The following GRM8 variants were observed in gnomAD, a reference collection of about 807,000 sequenced individuals.
The protein encoded by GRM8 is metabotropic glutamate receptor 8.
Under a neutral mutation model 87.2 loss-of-function variants are expected in GRM8, and 47 were observed. That is an observed-to-expected ratio of 0.54 (90% CI 0.43 to 0.69). The LOEUF is 0.69. Among genes scored for constraint, GRM8 ranks in the 30% least tolerant of loss-of-function variants. GRM8 has a pLI of 0.00. For missense variants in GRM8, 1,019 were observed against 1,139.2 expected, an observed-to-expected ratio of 0.89 and a Z score of 1.52; for synonymous variants, 396 against 404.5, an observed-to-expected ratio of 0.98 and a Z score of 0.25.
chr7:126,496,358 C>A (rs2150669087), intron 9 of GRM8, among the ~76,000 whole-genome samples: 1 of 152,034 alleles, frequency 6.6e-6, no homozygotes, highest in Non-Finnish European at 1.5e-5. Context: ...GGTCTACATA[C>A]CTTAAGTGAC....
intron 2 of GRM8, among the ~76,000 whole-genome samples, chr7:127,167,678 T>C (rs1358700988): frequency 6.6e-6 from 1 of 152,158 alleles, no homozygotes. Context: ...CCATATAAAA[T>C]GGCAAATTTA....
In GRM8 at chr7:127,057,978, C is replaced by A. The variant is rs150977602; in HGVS notation, c.727+48518G>T. ...ATTCATGCAAAGAAACATTTTCTAA[C>A]CTGTAATTTATAGTTCAGCTGCCTT... On this transcript the variant is annotated intron_variant, in intron 3 of 10. Transcript: ENST00000339582. 3.7e-4 allele frequency: 94 copies of A among 254,574 alleles called. 1 individual carries two copies. The East Asian group carries it at 0.012, about 32-fold the overall frequency. The allele number at this position is 254,574 out of a possible 1,614,324, so 15.8% of individuals were successfully genotyped here.
At chr7:126,924,017 C>T (rs1402478720) in intron 3 of GRM8, among the ~76,000 whole-genome samples, 1 of 152,128 alleles carries the variant, frequency 6.6e-6, no homozygotes, top group Non-Finnish European at 1.5e-5. Context: ...AATTAATTAC[C>T]TCACAGTTCT....
intron 3 of GRM8, among the ~76,000 whole-genome samples, chr7:127,028,566 G>A (rs1205997864): frequency 2.0e-5 from 3 of 152,152 alleles, no homozygotes; most frequent in African/African-American, 7.2e-5. Context: ...TCTTGGGAAG[G>A]TATATGTGTC....
At chr7:127,005,847 T>G (rs528340209) in intron 3 of GRM8, among the ~76,000 whole-genome samples, 1 of 151,920 alleles carries the variant, frequency 6.6e-6, no homozygotes, top group African/African-American at 2.4e-5. Flanking sequence ...ACTGATTTTA[T>G]GTAAACTTTT....
intron 2 of GRM8, among the ~76,000 whole-genome samples, chr7:127,161,819 C>T (rs1164152630): frequency 6.6e-6 from 1 of 152,054 alleles, no homozygotes; most frequent in Non-Finnish European, 1.5e-5. Context: ...AAGGGTGCAT[C>T]AGCAGAAACA....
intron 7 of GRM8, among the ~76,000 whole-genome samples, chr7:126,695,025 G>A (rs540627325): frequency 3.0e-4 from 46 of 152,158 alleles, no homozygotes; most frequent in African/African-American, 9.9e-4. Flanking sequence ...AGATATCCTC[G>A]GAATAAAATA....
chr7:126,635,981 G>A (rs2151188563), intron 7 of GRM8, among the ~76,000 whole-genome samples: 1 of 152,038 alleles, frequency 6.6e-6, no homozygotes, highest in African/African-American at 2.4e-5. Context: ...CAGGTAAATG[G>A]GGCTGGCATT....
At chr7:126,870,509 T>C (rs1266120786) in intron 6 of GRM8, 1 of 152,176 alleles carries the variant, frequency 6.6e-6, no homozygotes, top group Non-Finnish European at 1.5e-5. Context: ...GATTCTTCCT[T>C]TCACTTGAAC....
In GRM8 at chr7:126,609,486, G is replaced by A. The variant is rs1375188409; in HGVS notation, c.1370C>T (p.Thr457Ile). Residue 457 changes from threonine to isoleucine, a missense_variant, in exon 8 of 11, where the codon ACT (threonine) becomes ATT (isoleucine). Physicochemically the swap from Thr to Ile is moderately conservative, Grantham distance 89. Coordinates refer to ENST00000339582, the MANE Select transcript of GRM8 (RefSeq NM_000845.3). Reference sequence around the variant, plus strand: ...TCCGTTTTCATTAAAAGTGACAGGAGTGCCAGCACTGCCTATAAAGATTTA... The same window carrying A: ...TCCGTTTTCATTAAAAGTGACAGGAATGCCAGCACTGCCTATAAAGATTTA... ...RAVNFNGSAG[T>I]PVTFNENGDA... 1 of 1,611,726 alleles carries A rather than the reference G, an allele frequency of 6.2e-7. No homozygotes were observed. Among genetic ancestry groups the A allele is most frequent in the Middle Eastern group, 1.7e-4 (1 of 6,046 alleles).
At chr7:126,456,542 A>AAAAAAAAAAAAAAAAAAC (rs1803262484) in intron 9 of GRM8, among the ~76,000 whole-genome samples, 1 of 136,856 alleles carries the variant, frequency 7.3e-6, no homozygotes, top group African/African-American at 2.6e-5. Context: ...AAAAAAAAAA[A>AAAAAAAAAAAAAAAAAAC]AAAATCAAAC....
At chr7:126,596,216 CT>C (rs1327349894) in intron 8 of GRM8, among the ~76,000 whole-genome samples, 1 of 152,154 alleles carries the variant, frequency 6.6e-6, no homozygotes, top group Non-Finnish European at 1.5e-5. Context: ...GTTTTAAGTT[CT>C]TTGAGAAATC....
chr7:127,045,910 T>C (rs1362483178), intron 3 of GRM8, among the ~76,000 whole-genome samples: 3 of 152,180 alleles, frequency 2.0e-5, no homozygotes, highest in Non-Finnish European at 4.4e-5. Context: ...ATCTGTCAAA[T>C]CTCTCACACA....
intron 2 of GRM8, among the ~76,000 whole-genome samples, chr7:127,116,774 T>G (rs1826723604): frequency 6.6e-6 from 1 of 152,250 alleles, no homozygotes; most frequent in South Asian, 2.1e-4. Context: ...GGCAGTCTAC[T>G]GACAGGTACT....
intron 8 of GRM8, among the ~76,000 whole-genome samples, chr7:126,597,912 T>C (rs7786003): frequency 0.026 from 3,883 of 152,216 alleles, 113 homozygotes; most frequent in African/African-American, 0.076. Context: ...ATCATTTCTT[T>C]GTGTTGGGAA....
Position 127,127,185 on chromosome 7 carries a change from G to T in GRM8, c.511-20473C>A, listed in dbSNP as rs1587090192. Among the ~76,000 whole-genome samples the T allele has an allele frequency of 1.2e-4, 18 of 151,882 alleles. No individual in the cohort carries two copies. The South Asian group carries it at 3.3e-3, about 28-fold the overall frequency. Reference sequence around the variant, plus strand: ...AGATATATATATCCCTTATGTGTGTGGGGGGTATACACACACTCACATATG... The same window carrying T: ...AGATATATATATCCCTTATGTGTGTTGGGGGTATACACACACTCACATATG... On this transcript the variant is annotated intron_variant, in intron 2 of 10. Transcript: ENST00000339582.
At chr7:126,952,287 C>T (rs1808242472) in intron 3 of GRM8, among the ~76,000 whole-genome samples, 1 of 151,914 alleles carries the variant, frequency 6.6e-6, no homozygotes, top group Non-Finnish European at 1.5e-5. Context: ...AGTTCATACA[C>T]ATGGATATAA....
chr7:126,883,175 A>G (rs1477414325), intron 6 of GRM8, among the ~76,000 whole-genome samples: 1 of 152,158 alleles, frequency 6.6e-6, no homozygotes, highest in African/African-American at 2.4e-5. Context: ...TGATGTAACT[A>G]ATTTAGGTGT....
intron 7 of GRM8, among the ~76,000 whole-genome samples, chr7:126,717,190 A>T (rs540851793): frequency 6.6e-6 from 1 of 152,240 alleles, no homozygotes; most frequent in African/African-American, 2.4e-5. Context: ...TAGTCACTGA[A>T]ATCTATGGCC....
Sources: allele counts gnomAD v4.1 joint callset (sites outside exome capture counted in the v4.1 genomes callset), GRCh38; gene constraint gnomAD v4.1.1; transcripts MANE v1.5; gene names NCBI Gene and HGNC (gene_info 2026-07-23, HGNC 2026-07-21).